The following CNTN4 variants were observed in gnomAD, a reference collection of about 807,000 sequenced individuals.
CNTN4 encodes contactin-4.
A neutral mutation model predicts 122.5 loss-of-function variants in CNTN4; 77 were observed. The ratio of observed to expected loss-of-function variants is 0.63; its 90% confidence interval spans 0.52 to 0.76. The LOEUF is 0.76. Ranked by LOEUF, CNTN4 falls within the 30% of genes least tolerant of loss-of-function variation. The pLI, the probability that CNTN4 is intolerant of heterozygous loss-of-function variation, is 0.00. For synonymous variants in CNTN4, 512 were observed against 447.0 expected (o/e 1.15, Z -1.83); for missense variants, 1,256 against 1,259.1 (o/e 1.00, Z 0.04).
At chr3:2,170,690 C>A (rs1268675309) in intron 2 of CNTN4, among the ~76,000 whole-genome samples, 1 of 151,970 alleles carries the variant, frequency 6.6e-6, no homozygotes, top group Non-Finnish European at 1.5e-5. Context: ...AGGGAGTGAA[C>A]AGAGCCTTTT....
intron 2 of CNTN4, among the ~76,000 whole-genome samples, chr3:2,255,615 G>T (rs1339418955): frequency 2.0e-5 from 3 of 152,134 alleles, no homozygotes; most frequent in Non-Finnish European, 4.4e-5. Flanking sequence ...AATCAAATTA[G>T]AACTCAGGAT....
intron 3 of CNTN4, among the ~76,000 whole-genome samples, chr3:2,557,181 C>A (rs1271998809): frequency 1.3e-5 from 2 of 152,100 alleles, no homozygotes; most frequent in Non-Finnish European, 2.9e-5. Flanking sequence ...ACTAAAATTA[C>A]TACAGTTTCT....
chr3:2,724,181 A>G (rs1398425226), intron 4 of CNTN4, among the ~76,000 whole-genome samples: 2 of 152,180 alleles, frequency 1.3e-5, no homozygotes, highest in Non-Finnish European at 1.5e-5. Flanking sequence ...TTGAATGATT[A>G]TGGCTTTGTT....
At chr3:2,283,678 T>A (rs937613402) in intron 2 of CNTN4, among the ~76,000 whole-genome samples, 1 of 152,120 alleles carries the variant, frequency 6.6e-6, no homozygotes, top group Non-Finnish European at 1.5e-5. Flanking sequence ...CAGTAAGAAC[T>A]TTCATCTAAC....
chr3:2,703,592 A>T (rs944290056), intron 4 of CNTN4, among the ~76,000 whole-genome samples: 1 of 152,156 alleles, frequency 6.6e-6, no homozygotes, highest in African/African-American at 2.4e-5. Flanking sequence ...AGTATCTAGG[A>T]ATCTAGAAAT....
intron 7 of CNTN4, among the ~76,000 whole-genome samples, chr3:2,838,318 C>G (rs1389052961): frequency 6.6e-6 from 1 of 152,178 alleles, no homozygotes; most frequent in Non-Finnish European, 1.5e-5. Context: ...AAACTCTCAT[C>G]TTTACTGTAT....
At chr3:2,808,208 A>T (rs4685562) in intron 6 of CNTN4, among the ~76,000 whole-genome samples, 27,849 of 141,004 alleles carry the variant, frequency 0.2, 2,848 homozygotes, top group East Asian at 0.44. Context: ...TTGATCATGA[A>T]CTGTGGTCCT....
intron 3 of CNTN4, among the ~76,000 whole-genome samples, chr3:2,560,496 CTTATA>C (rs772308012): frequency 6.6e-6 from 1 of 152,132 alleles, no homozygotes; most frequent in African/African-American, 2.4e-5. Context: ...TAAAACAACA[CTTATA>C]TTATGTTCCT....
chr3:2,234,637 T>C (rs929627570), intron 2 of CNTN4, among the ~76,000 whole-genome samples: 5 of 152,200 alleles, frequency 3.3e-5, no homozygotes, highest in Non-Finnish European at 7.3e-5. Flanking sequence ...CAAATAATTT[T>C]CTTTAGCATG....
chr3:2,129,894 G>A (rs2034369912), intron 2 of CNTN4, among the ~76,000 whole-genome samples: 1 of 151,766 alleles, frequency 6.6e-6, no homozygotes, highest in South Asian at 2.1e-4. Flanking sequence ...TATTGCATTT[G>A]TGGCAGATAG....
intron 3 of CNTN4, among the ~76,000 whole-genome samples, chr3:2,464,254 C>T (rs747429042): frequency 4.5e-4 from 68 of 152,242 alleles, no homozygotes; most frequent in Non-Finnish European, 6.6e-4. Context: ...ATGAACATTC[C>T]GTATTCTTTT....
intron 4 of CNTN4, among the ~76,000 whole-genome samples, chr3:2,711,773 T>C (rs142434140): frequency 9.3e-4 from 141 of 152,268 alleles, no homozygotes; most frequent in African/African-American, 3.0e-3. Flanking sequence ...ATTAGAAAAC[T>C]TGTGAAAACC....
At chr3:2,343,793 A>G (rs115591586) in intron 3 of CNTN4, among the ~76,000 whole-genome samples, 4,857 of 152,262 alleles carry the variant, frequency 0.032, 116 homozygotes, top group Non-Finnish European at 0.047. Context: ...TGCATTGCTG[A>G]AAAGGAATAC....
chr3:2,567,957 G>A (rs1168211942), intron 3 of CNTN4, among the ~76,000 whole-genome samples: 2 of 152,006 alleles, frequency 1.3e-5, no homozygotes, highest in African/African-American at 4.8e-5. Context: ...TATAATGACT[G>A]GTTTATTAGC....
intron 4 of CNTN4, among the ~76,000 whole-genome samples, chr3:2,712,436 C>G (rs746990342): frequency 1.3e-5 from 2 of 152,084 alleles, no homozygotes; most frequent in South Asian, 4.2e-4. Flanking sequence ...TTTTTCTCAC[C>G]CATTGCAGGG....
intron 2 of CNTN4, among the ~76,000 whole-genome samples, chr3:2,306,643 A>G (rs1197429525): frequency 3.3e-5 from 5 of 152,272 alleles, no homozygotes; most frequent in East Asian, 1.9e-4. Context: ...CATCTTTATA[A>G]TTTCTGCAAT....
intron 2 of CNTN4, among the ~76,000 whole-genome samples, chr3:2,282,010 A>G (rs979331849): frequency 1.3e-5 from 2 of 152,138 alleles, no homozygotes; most frequent in Non-Finnish European, 2.9e-5. Flanking sequence ...ATTTTTGCAT[A>G]TAATCCTGCT....
intron 2 of CNTN4, among the ~76,000 whole-genome samples, chr3:2,118,343 A>G (rs966946527): frequency 2.6e-5 from 4 of 152,216 alleles, no homozygotes; most frequent in African/African-American, 9.6e-5. Flanking sequence ...AGAGGCTTTT[A>G]TGTTTAGTGA....
chr3:2,929,014 A>C (rs986978826), intron 13 of CNTN4, among the ~76,000 whole-genome samples: 3 of 152,206 alleles, frequency 2.0e-5, no homozygotes, highest in Non-Finnish European at 4.4e-5. Flanking sequence ...TATTCACACT[A>C]GCCTTATCTA....
Sources: allele counts gnomAD v4.1 joint callset (sites outside exome capture counted in the v4.1 genomes callset), GRCh38; gene constraint gnomAD v4.1.1; transcripts MANE v1.5; gene names NCBI Gene and HGNC (gene_info 2026-07-23, HGNC 2026-07-21).